The following CEP112 variants were observed in gnomAD, a reference collection of about 807,000 sequenced individuals.
CEP112 encodes centrosomal protein of 112 kDa.
A neutral mutation model predicts 153.0 loss-of-function variants in CEP112; 127 were observed. The observed-to-expected ratio is 0.83, with a 90% CI of 0.72 to 0.96. The LOEUF (loss-of-function observed/expected upper bound fraction) is 0.96. Among genes scored for constraint, CEP112 ranks in the 40% least tolerant of loss-of-function variants. The probability of loss-of-function intolerance (pLI) is 0.00; values close to 1 mark genes in which losing one functional copy is unlikely to be tolerated. For synonymous variants in CEP112, 358 were observed against 374.4 expected, an observed-to-expected ratio of 0.96 and a Z score of 0.51; for missense variants, 1,089 against 1,101.2, an observed-to-expected ratio of 0.99 and a Z score of 0.16.
At chr17:65,726,970 G>T (rs2050216398) in intron 23 of CEP112, among the ~76,000 whole-genome samples, 1 of 152,156 alleles carries the variant, frequency 6.6e-6, no homozygotes, top group Non-Finnish European at 1.5e-5. Flanking sequence ...CAAAGATATT[G>T]TATAGACTTG....
In CEP112 at chr17:65,772,575, TACACACACACAC is replaced by T. The variant is rs34758953; in HGVS notation, c.2395-21863_2395-21852del. ...AAAACTCAAAGACCCCTCTATTTAT[TACACACACACAC>T]ACACACACACACACACACACACACA... is the stretch of plus-strand genomic sequence containing the variant. On this transcript the variant is annotated intron_variant, in intron 21 of 26. Coordinates refer to ENST00000535342, the MANE Select transcript of CEP112 (RefSeq NM_001199165.4). Among the ~76,000 whole-genome samples the T allele has an allele frequency of 9.1e-3, 1,210 of 133,346 alleles. 8 individuals are homozygous for T. The highest frequency in any genetic ancestry group is 0.013 in the Admixed American group (170 of 12,874). 87.5% of individuals were successfully genotyped at this position (133,346 alleles called of 152,430 possible).
chr17:66,178,463 C>G (rs1255025685), intron 2 of CEP112, among the ~76,000 whole-genome samples: 1 of 151,892 alleles, frequency 6.6e-6, no homozygotes, highest in Non-Finnish European at 1.5e-5. Flanking sequence ...TCTGGTTATT[C>G]CCTTGTCAGA....
At chr17:65,878,668 A>G (rs1393204097) in intron 20 of CEP112, among the ~76,000 whole-genome samples, 1 of 152,060 alleles carries the variant, frequency 6.6e-6, no homozygotes, top group African/African-American at 2.4e-5. Context: ...CCATTTAGCT[A>G]TCACACATTC....
At chr17:66,088,361 A>C (rs930387886) in intron 8 of CEP112, among the ~76,000 whole-genome samples, 2 of 152,146 alleles carry the variant, frequency 1.3e-5, no homozygotes, top group Non-Finnish European at 1.5e-5. Context: ...CTTGGGCTCC[A>C]GACTATTCAC....
At position 65,864,828 on chromosome 17, in the gene CEP112, TG is replaced by T. The variant is rs144363368; in HGVS notation, c.2164-12795del. Among the ~76,000 whole-genome samples, 823 of 152,182 alleles carry T rather than the reference TG, an allele frequency of 5.4e-3. 6 individuals are homozygous for T. The highest frequency in any genetic ancestry group is 0.019 in the African/African-American group (793 of 41,498). On this transcript the variant is annotated intron_variant, in intron 20 of 26. Coordinates refer to ENST00000535342, the MANE Select transcript of CEP112 (RefSeq NM_001199165.4). ...TAAAATGAACATCTAATTTCTCTACTGGTCACATCATGTAGAAAAGGTCAGA... is the reference window on the plus strand; with the variant it reads ...TAAAATGAACATCTAATTTCTCTACTGTCACATCATGTAGAAAAGGTCAGA...
In CEP112 at chr17:65,926,713, A is replaced by AAATAATAAT. The variant is rs369745977; in HGVS notation, c.1980+860_1980+868dup. 6.7e-3 allele frequency among the ~76,000 whole-genome samples: 1,001 copies of AAATAATAAT among 150,432 alleles called. 8 individuals carry two copies. The highest frequency in any genetic ancestry group is 0.024 in the African/African-American group (955 of 40,608). The stretch of plus-strand genomic sequence containing the variant: ...GGGTGAGAGAGTGAGACTCCTTCTC[A>AAATAATAAT]AATAATAATAATAATAATAATAATA... On this transcript the variant is annotated intron_variant, in intron 19 of 26. Transcript: ENST00000535342.
chr17:65,800,381 ATTTT>A (rs550546935), intron 21 of CEP112, among the ~76,000 whole-genome samples: 1 of 151,970 alleles, frequency 6.6e-6, no homozygotes, highest in Non-Finnish European at 1.5e-5. Flanking sequence ...TTGTGTCCAG[ATTTT>A]TTTTATTTAC....
At chr17:66,154,177 CA>C (rs71160538) in intron 4 of CEP112, among the ~76,000 whole-genome samples, 20,148 of 145,554 alleles carry the variant, frequency 0.14, 1,787 homozygotes, top group Non-Finnish European at 0.21. Context: ...GACTCCGTCT[CA>C]AAAAAAAGGG....
chr17:66,140,426 T>C (rs75348815), intron 4 of CEP112, among the ~76,000 whole-genome samples: 280 of 152,000 alleles, frequency 1.8e-3, no homozygotes, highest in African/African-American at 6.3e-3. Context: ...CTAGCCAGAG[T>C]AGTCAGGCAA....
chr17:65,648,388 G>A (rs149623934), intron 24 of CEP112, among the ~76,000 whole-genome samples: 1 of 152,288 alleles, frequency 6.6e-6, no homozygotes, highest in Non-Finnish European at 1.5e-5. Context: ...TTTATAACAT[G>A]GTGCCCATGT....
intron 6 of CEP112, among the ~76,000 whole-genome samples, chr17:66,104,920 C>T (rs1212112128): frequency 6.6e-6 from 1 of 151,964 alleles, no homozygotes; most frequent in East Asian, 1.9e-4. Flanking sequence ...CATTAATGTG[C>T]AATAATGAAT....
At chr17:65,821,859 G>T (rs2056603210) in intron 21 of CEP112, among the ~76,000 whole-genome samples, 1 of 151,292 alleles carries the variant, frequency 6.6e-6, no homozygotes, top group East Asian at 1.9e-4. Context: ...GCCTAATATT[G>T]TTTCTTTAAA....
At chr17:65,732,291 CT>C (rs35659075) in intron 23 of CEP112, among the ~76,000 whole-genome samples, 4 of 152,064 alleles carry the variant, frequency 2.6e-5, no homozygotes, top group Non-Finnish European at 5.9e-5. Flanking sequence ...TTAAAGGAAT[CT>C]TTTTTTTCTG....
At chr17:65,788,773 C>T (rs987403409) in intron 21 of CEP112, among the ~76,000 whole-genome samples, 2 of 151,854 alleles carry the variant, frequency 1.3e-5, no homozygotes, top group African/African-American at 2.4e-5. Flanking sequence ...TTTTTCTGAC[C>T]GGTCTTCTAA....
At chr17:65,748,664 C>G (rs2145223500) in intron 22 of CEP112, among the ~76,000 whole-genome samples, 1 of 152,308 alleles carries the variant, frequency 6.6e-6, no homozygotes, top group Non-Finnish European at 1.5e-5. Flanking sequence ...GAGGTTAGTA[C>G]TGCTCCTCCA....
At chr17:66,000,961 C>T (rs529611627) in intron 17 of CEP112, among the ~76,000 whole-genome samples, 1 of 152,330 alleles carries the variant, frequency 6.6e-6, no homozygotes, top group South Asian at 2.1e-4. Flanking sequence ...AAACGGAAGG[C>T]TAGACAACTT....
At chr17:65,753,802 C>A (rs747311067) in intron 21 of CEP112, among the ~76,000 whole-genome samples, 1 of 152,126 alleles carries the variant, frequency 6.6e-6, no homozygotes, top group Non-Finnish European at 1.5e-5. Context: ...AAAATTAATT[C>A]TAGTGTCATA....
At chr17:65,821,116 A>C (rs959526547) in intron 21 of CEP112, among the ~76,000 whole-genome samples, 6 of 151,574 alleles carry the variant, frequency 4.0e-5, no homozygotes, top group Non-Finnish European at 7.4e-5. Context: ...ACATTCTGAA[A>C]AAAAAAAACA....
chr17:66,191,065 G>C lies in CEP112; in HGVS notation c.-9+932C>G, dbSNP rs2073145004. On this transcript the variant is annotated intron_variant, in intron 1 of 26. Coordinates refer to ENST00000535342, the MANE Select transcript of CEP112 (RefSeq NM_001199165.4). The surrounding 1 kb of genome is among the most constrained non-coding windows in gnomAD (Gnocchi z 4.2). ...AGAGCCTTCCCTGACTCTACCCGTA[G>C]CTCAGTGTGTGCTTTAGAAACAAAT... Among the ~76,000 whole-genome samples the C allele has an allele frequency of 6.6e-6, 1 of 152,226 alleles. No homozygotes were observed. The highest frequency in any genetic ancestry group is 6.5e-5 in the Admixed American group (1 of 15,288).
Sources: gnomAD v4.1 joint callset for allele counts (sites outside exome capture counted in the v4.1 genomes callset) on GRCh38, gnomAD v4.1.1 for gene constraint, Gnocchi (gnomAD v3.1) non-coding constraint, MANE v1.5 for transcripts, NCBI Gene and HGNC (gene_info 2026-07-23, HGNC 2026-07-21) for gene names.